Variants in ZNF385B observed in about 807,000 individuals in gnomAD.
ZNF385B encodes the protein zinc finger protein 385B.
In ZNF385B, 23 loss-of-function variants were observed where a neutral mutation model predicts 39.2. The observed-to-expected ratio is 0.59, with a 90% confidence interval of 0.42 to 0.83. The LOEUF is 0.83. ZNF385B is among the 40% of genes least tolerant of loss of function. The pLI is 0.00. For missense variants in ZNF385B, 552 were observed against 598.9 expected (o/e 0.92, Z 0.82); for synonymous variants, 205 against 222.6 (o/e 0.92, Z 0.70).
chr2:179,524,551 CAAAAAAAAAAAAAA>C lies in ZNF385B; in HGVS notation c.442-5927_442-5914del, dbSNP rs770219234. 9.0e-3 allele frequency among the ~76,000 whole-genome samples: 549 copies of C among 61,020 alleles called. 6 individuals carry two copies. Among genetic ancestry groups the C allele is most frequent in the Middle Eastern group, 0.014 (1 of 70 alleles). 40.0% of individuals were successfully genotyped at this position (61,020 alleles called of 152,430 possible). A position where few individuals can be genotyped will look rare whatever the true frequency, so the allele number is the denominator to read the frequency against. ...TGGGTGACAGAGCGAGACTCCGTCT[CAAAAAAAAAAAAAA>C]AAAAAAAAAAAAAAAAAAAAAAAAA... On this transcript the variant is annotated intron_variant, in intron 4 of 9. Coordinates refer to ENST00000410066, the MANE Select transcript of ZNF385B (RefSeq NM_152520.6).
At chr2:179,705,310 C>CACAG (rs1161125802) in intron 3 of ZNF385B, among the ~76,000 whole-genome samples, 1 of 152,184 alleles carries the variant, frequency 6.6e-6, no homozygotes, top group Non-Finnish European at 1.5e-5. Context: ...TGTCTGTAAA[C>CACAG]ACAGTTTATG....
intron 3 of ZNF385B, among the ~76,000 whole-genome samples, chr2:179,731,098 T>C (rs186747843): frequency 2.9e-3 from 442 of 152,366 alleles, no homozygotes; most frequent in Non-Finnish European, 5.2e-3. Flanking sequence ...ACATTTGGTT[T>C]CAACCTGTAT....
At chr2:179,683,258 C>CT in intron 3 of ZNF385B, among the ~76,000 whole-genome samples, 1 of 151,954 alleles carries the variant, frequency 6.6e-6, no homozygotes, top group South Asian at 2.1e-4. Context: ...GATGTGGTAG[C>CT]TGGCACCTGT....
intron 6 of ZNF385B, among the ~76,000 whole-genome samples, chr2:179,472,758 AC>A (rs952002499): frequency 8.8e-4 from 133 of 151,610 alleles, no homozygotes; most frequent in African/African-American, 2.3e-3. Flanking sequence ...TTTGGATCAT[AC>A]CCCCCCTCCC....
chr2:179,858,273 T>C (rs1307104403), intron 1 of ZNF385B, among the ~76,000 whole-genome samples: 2 of 152,118 alleles, frequency 1.3e-5, no homozygotes, highest in Non-Finnish European at 2.9e-5. Flanking sequence ...AGGAGAAATA[T>C]TAAAATTGAC....
At chr2:179,559,115 C>T (rs1007688387) in intron 3 of ZNF385B, among the ~76,000 whole-genome samples, 2 of 152,160 alleles carry the variant, frequency 1.3e-5, no homozygotes, top group African/African-American at 4.8e-5. Flanking sequence ...AAATGATTTT[C>T]CTCCCTTTCG....
rs1699778730 is a variant in ZNF385B at position 179,708,491 on chromosome 2, G to A, written c.298+61012C>T. ...TGGTGACCTTCATCATCAGTTCCAAGGGCCTATAATAGCAATAGATGGTTA... is the reference window on the plus strand; with the variant it reads ...TGGTGACCTTCATCATCAGTTCCAAAGGCCTATAATAGCAATAGATGGTTA... On this transcript the variant is annotated intron_variant, in intron 3 of 9. Coordinates refer to ENST00000410066, the MANE Select transcript of ZNF385B (RefSeq NM_152520.6). 3.3e-5 allele frequency among the ~76,000 whole-genome samples: 5 copies of A among 152,298 alleles called. No homozygotes were observed. The South Asian group carries it at 1.0e-3, about 32-fold the overall frequency.
intron 1 of ZNF385B, among the ~76,000 whole-genome samples, chr2:179,855,924 A>G (rs1040503012): frequency 1.3e-5 from 2 of 152,150 alleles, no homozygotes; most frequent in Non-Finnish European, 2.9e-5. Context: ...CCAAGCTCTC[A>G]AATCTGGTGG....
At chr2:179,761,482 A>C (rs1256975469) in intron 3 of ZNF385B, among the ~76,000 whole-genome samples, 1 of 152,168 alleles carries the variant, frequency 6.6e-6, no homozygotes, top group East Asian at 1.9e-4. Flanking sequence ...TAAAGTATAT[A>C]AGTATTTCAT....
At chr2:179,828,425 T>C (rs1000071196) in intron 1 of ZNF385B, among the ~76,000 whole-genome samples, 3 of 152,208 alleles carry the variant, frequency 2.0e-5, no homozygotes, top group Non-Finnish European at 2.9e-5. Flanking sequence ...TTAGCAATAA[T>C]GGCCTGTATT....
At chr2:179,486,725 G>A (rs1345820156) in intron 5 of ZNF385B, among the ~76,000 whole-genome samples, 3 of 152,128 alleles carry the variant, frequency 2.0e-5, no homozygotes, top group Non-Finnish European at 4.4e-5. Flanking sequence ...GATCAGCCTA[G>A]GCAACATTAC....
chr2:179,577,107 C>CA (rs1280606972), intron 3 of ZNF385B, among the ~76,000 whole-genome samples: 1 of 152,078 alleles, frequency 6.6e-6, no homozygotes. Flanking sequence ...ATATTTGTGG[C>CA]ATGGAGAAGA....
chr2:179,461,360 G>C (rs2051325734), intron 6 of ZNF385B, among the ~76,000 whole-genome samples: 2 of 152,184 alleles, frequency 1.3e-5, no homozygotes, highest in Non-Finnish European at 2.9e-5. Context: ...CCATGAGAGA[G>C]CTAATGGTTG....
intron 6 of ZNF385B, among the ~76,000 whole-genome samples, chr2:179,475,251 ATTT>A (rs767500606): frequency 5.6e-4 from 77 of 136,936 alleles, no homozygotes; most frequent in South Asian, 4.3e-3. Flanking sequence ...TTATCGCACA[ATTT>A]TTTTTTTTTT....
At chr2:179,809,947 GA>G (rs35495671) in intron 1 of ZNF385B, among the ~76,000 whole-genome samples, 1,908 of 152,036 alleles carry the variant, frequency 0.013, 38 homozygotes, top group African/African-American at 0.043. Flanking sequence ...AATGTAATGA[GA>G]TAATAATGAA....
At chr2:179,740,729 C>T (rs1235557959) in intron 3 of ZNF385B, among the ~76,000 whole-genome samples, 2 of 152,086 alleles carry the variant, frequency 1.3e-5, no homozygotes, top group Non-Finnish European at 2.9e-5. Flanking sequence ...GGATCAGAAT[C>T]TTTTCCTAAA....
intron 3 of ZNF385B, among the ~76,000 whole-genome samples, chr2:179,620,542 G>T (rs1690123086): frequency 6.6e-6 from 1 of 151,450 alleles, no homozygotes; most frequent in African/African-American, 2.4e-5. Flanking sequence ...TCTCTAAATT[G>T]GCATCTTCTG....
At chr2:179,728,058 C>T (rs1300010575) in intron 3 of ZNF385B, among the ~76,000 whole-genome samples, 1 of 152,060 alleles carries the variant, frequency 6.6e-6, no homozygotes, top group African/African-American at 2.4e-5. Context: ...CATTCCCATT[C>T]CCAGAGAGCA....
intron 3 of ZNF385B, among the ~76,000 whole-genome samples, chr2:179,705,586 T>C (rs559170806): frequency 5.9e-5 from 9 of 152,340 alleles, no homozygotes; most frequent in African/African-American, 2.2e-4. Context: ...TGGTAACCCC[T>C]AGAAACTTTT....
Sources: gnomAD v4.1 joint callset for allele counts (sites outside exome capture counted in the v4.1 genomes callset) on GRCh38, gnomAD v4.1.1 for gene constraint, MANE v1.5 for transcripts, NCBI Gene and HGNC (gene_info 2026-07-23, HGNC 2026-07-21) for gene names.